The following PVT1 variants were observed in gnomAD, a reference collection of about 807,000 sequenced individuals.
PVT1 encodes the protein Pvt1 oncogene.
At position 128,062,091 on chromosome 8, in the gene PVT1, T is replaced by C. The variant is rs569466382; in HGVS notation, n.913-8069T>C. On this transcript the variant is annotated intron_variant and non_coding_transcript_variant, in intron 4 of 10. Coordinates refer to ENST00000651587, the Ensembl canonical transcript of PVT1. ...AACTACATCTCAATAGGGAGCCTGGTTAACAACAGGGGAGTGAAAAGGAGG... is the reference window on the plus strand; with the variant it reads ...AACTACATCTCAATAGGGAGCCTGGCTAACAACAGGGGAGTGAAAAGGAGG... 1.7e-4 allele frequency among the ~76,000 whole-genome samples: 26 copies of C among 152,344 alleles called. No individual in the cohort carries two copies. The East Asian group carries it at 4.8e-3, about 28-fold the overall frequency.
At chr8:127,999,206 G>C (rs1213243389) in intron 4 of PVT1, 1 of 152,148 alleles carries the variant, frequency 6.6e-6, no homozygotes, top group Non-Finnish European at 1.5e-5. Flanking sequence ...TTGCACTCCC[G>C]ATGTGCTGAC....
intron 3 of PVT1, among the ~76,000 whole-genome samples, chr8:127,942,793 G>A (rs754649708): frequency 3.9e-5 from 6 of 152,154 alleles, no homozygotes; most frequent in African/African-American, 4.8e-5. Flanking sequence ...TTGAAGCTGC[G>A]CATCGACTCT....
In PVT1 at chr8:127,849,501, C is replaced by T. The variant is rs1038225298; in HGVS notation, n.373-41088C>T. 2.6e-5 allele frequency among the ~76,000 whole-genome samples: 4 copies of T among 152,166 alleles called. No homozygotes were observed. In the South Asian group the frequency reaches 6.2e-4, roughly 24 times the overall value. On this transcript the variant is annotated intron_variant and non_coding_transcript_variant, in intron 2 of 10. Coordinates refer to ENST00000651587, the Ensembl canonical transcript of PVT1. The stretch of plus-strand genomic sequence containing the variant: ...CTATGAAAAACTCCTAGGGCCTTGC[C>T]GTTCCTATGAAGTGGTAGCTATCAT...
Position 127,924,167 on chromosome 8 carries a change from A to G in PVT1, n.782+33169A>G, listed in dbSNP as rs568560478. On this transcript the variant is annotated intron_variant and non_coding_transcript_variant, in intron 3 of 10. Coordinates refer to ENST00000651587, the Ensembl canonical transcript of PVT1. ...GCTGTTAGGGCCTCTTCTAGAAGCCACCAGTTTGCGTTTTCATACAGTGGC... is the reference window on the plus strand; with the variant it reads ...GCTGTTAGGGCCTCTTCTAGAAGCCGCCAGTTTGCGTTTTCATACAGTGGC... Among the ~76,000 whole-genome samples, 4 of 152,288 alleles carry G rather than the reference A, an allele frequency of 2.6e-5. No individual in the cohort carries two copies. The East Asian group carries it at 7.7e-4, about 29-fold the overall frequency.
At chr8:128,076,744 G>A (rs966053588) in intron 5 of PVT1, among the ~76,000 whole-genome samples, 7 of 152,166 alleles carry the variant, frequency 4.6e-5, no homozygotes, top group African/African-American at 1.7e-4. Flanking sequence ...TGGCATTTGT[G>A]AGCCTTGTCA....
chr8:128,054,127 A>G (rs1813736110), intron 4 of PVT1, among the ~76,000 whole-genome samples: 1 of 152,222 alleles, frequency 6.6e-6, no homozygotes, highest in Non-Finnish European at 1.5e-5. Context: ...GTTAGCATCC[A>G]GTGTGTGACA....
intron 2 of PVT1, among the ~76,000 whole-genome samples, chr8:127,839,384 C>T (rs1159092790): frequency 6.6e-6 from 1 of 151,316 alleles, no homozygotes; most frequent in East Asian, 1.9e-4. Context: ...CCTACCTCTA[C>T]CAAAATTATA....
intron 2 of PVT1, among the ~76,000 whole-genome samples, chr8:127,852,705 TG>T (rs945914113): frequency 1.3e-5 from 2 of 152,162 alleles, no homozygotes; most frequent in African/African-American, 4.8e-5. Flanking sequence ...AAATGTGAGC[TG>T]ATGTTATTGG....
chr8:127,984,877 CTTT>C (rs1816932224), intron 3 of PVT1, among the ~76,000 whole-genome samples: 1 of 87,436 alleles, frequency 1.1e-5, no homozygotes, highest in African/African-American at 4.1e-5. Context: ...TTCTTTCTTT[CTTT>C]CTTTCTTTCT....
intron 3 of PVT1, among the ~76,000 whole-genome samples, chr8:127,966,097 T>C (rs1816700308): frequency 6.6e-6 from 1 of 152,194 alleles, no homozygotes; most frequent in Admixed American, 6.5e-5. Flanking sequence ...AGAGTCCCTA[T>C]AAATGCTGGT....
At chr8:127,957,629 A>G (rs1377277252) in intron 3 of PVT1, among the ~76,000 whole-genome samples, 1 of 152,142 alleles carries the variant, frequency 6.6e-6, no homozygotes, top group East Asian at 1.9e-4. Context: ...CATGGGGGAC[A>G]TGGTCTTCAT....
intron 5 of PVT1, among the ~76,000 whole-genome samples, chr8:128,081,905 G>A (rs371345104): frequency 2.0e-5 from 3 of 152,120 alleles, no homozygotes; most frequent in Non-Finnish European, 2.9e-5. Context: ...TCCTTGACTC[G>A]CTACATTCAA....
intron 2 of PVT1, among the ~76,000 whole-genome samples, chr8:127,842,681 G>A (rs7814867): frequency 0.042 from 6,409 of 152,188 alleles, 491 homozygotes; most frequent in African/African-American, 0.15. Context: ...CCTCCAAAGA[G>A]GGTGAGACAG....
intron 4 of PVT1, among the ~76,000 whole-genome samples, chr8:128,052,899 ATGAAGACAG>A (rs1462244411): frequency 6.6e-6 from 1 of 152,234 alleles, no homozygotes; most frequent in African/African-American, 2.4e-5. Flanking sequence ...TAGCTCTCCT[ATGAAGACAG>A]TAGATGGTAA....
intron 4 of PVT1, among the ~76,000 whole-genome samples, chr8:128,062,292 A>T (rs1432104678): frequency 1.3e-5 from 2 of 152,330 alleles, no homozygotes; most frequent in South Asian, 4.2e-4. Context: ...ATTTTCATCT[A>T]TGAGGAGGAA....
chr8:127,932,264 C>T (rs1816215725), intron 3 of PVT1, among the ~76,000 whole-genome samples: 1 of 152,196 alleles, frequency 6.6e-6, no homozygotes, highest in South Asian at 2.1e-4. Flanking sequence ...GCAGGGGGTC[C>T]ATGTTTCTGC....
chr8:127,887,764 C>T (rs189654128), intron 2 of PVT1, among the ~76,000 whole-genome samples: 21 of 151,704 alleles, frequency 1.4e-4, no homozygotes, highest in East Asian at 7.8e-4. Flanking sequence ...TGACTTCAGG[C>T]GATCCACCCA....
chr8:127,984,845 CTTT>C (rs1563657349), intron 3 of PVT1, among the ~76,000 whole-genome samples: 14 of 17,372 alleles, frequency 8.1e-4, no homozygotes, highest in Non-Finnish European at 1.5e-3. Flanking sequence ...TCTTTTCTTT[CTTT>C]CTTTCTTTCT....
intron 2 of PVT1, among the ~76,000 whole-genome samples, chr8:127,821,936 G>A (rs961280697): frequency 1.3e-5 from 2 of 152,152 alleles, no homozygotes; most frequent in African/African-American, 4.8e-5. Flanking sequence ...CAATCTGCAC[G>A]GCCATATGTG....
Sources: allele counts gnomAD v4.1 joint callset (sites outside exome capture counted in the v4.1 genomes callset), GRCh38; gene constraint gnomAD v4.1.1; transcripts MANE v1.5; gene names NCBI Gene and HGNC (gene_info 2026-07-23, HGNC 2026-07-21).